Variants in UNC13C observed in about 807,000 individuals in gnomAD.
UNC13C encodes the protein protein unc-13 homolog C.
A neutral mutation model predicts 245.4 loss-of-function variants in UNC13C; 174 were observed. The observed-to-expected ratio is 0.71, with a 90% CI of 0.63 to 0.80. The LOEUF is 0.80. Ranked by LOEUF, UNC13C falls within the 30% of genes least tolerant of loss-of-function variation. The pLI is 0.00. For missense variants in UNC13C, 2,829 were observed against 2,602.9 expected (o/e 1.09, Z -1.89); for synonymous variants, 992 against 895.1 (o/e 1.11, Z -1.93).
chr15:54,289,671 C>T (rs2037242307), intron 10 of UNC13C, among the ~76,000 whole-genome samples: 2 of 152,074 alleles, frequency 1.3e-5, no homozygotes, highest in East Asian at 1.9e-4. Flanking sequence ...GCTTCTGAAG[C>T]TACTGTGTGG....
chr15:54,169,448 C>G (rs1421476636), intron 4 of UNC13C, among the ~76,000 whole-genome samples: 1 of 152,170 alleles, frequency 6.6e-6, no homozygotes, highest in African/African-American at 2.4e-5. Context: ...ACTAAGCTCT[C>G]TTGTCAATTC....
At position 54,509,034 on chromosome 15, in the gene UNC13C, T is replaced by C. The variant is rs563782003; in HGVS notation, c.5379+1840T>C. On this transcript the variant is annotated intron_variant, in intron 23 of 32. Transcript: ENST00000260323. The stretch of plus-strand genomic sequence containing the variant: ...GGCCAACATGGTGAAACCCTGTCTC[T>C]ACTAAAAATATAAAATTAACCAGGT... 5.9e-5 allele frequency among the ~76,000 whole-genome samples: 9 copies of C among 152,254 alleles called. No individual in the cohort carries two copies. The South Asian group carries it at 1.2e-3, about 21-fold the overall frequency.
At chr15:54,118,853 G>A (rs893741053) in intron 2 of UNC13C, among the ~76,000 whole-genome samples, 3 of 148,618 alleles carry the variant, frequency 2.0e-5, no homozygotes, top group African/African-American at 7.4e-5. Context: ...ATGAAGGGAC[G>A]TTAAATTTTA....
intron 2 of UNC13C, among the ~76,000 whole-genome samples, chr15:54,105,568 A>G (rs1442026844): frequency 2.6e-5 from 4 of 152,254 alleles, no homozygotes; most frequent in Admixed American, 2.6e-4. Context: ...AACAGAAGTC[A>G]CATGTTGCAT....
chr15:54,039,162 ATTGT>A (rs1405054286), intron 2 of UNC13C, among the ~76,000 whole-genome samples: 3 of 151,962 alleles, frequency 2.0e-5, no homozygotes, highest in Admixed American at 6.6e-5. Context: ...TCTCATCGAG[ATTGT>A]TTGTAATTTT....
intron 30 of UNC13C, among the ~76,000 whole-genome samples, chr15:54,593,095 G>A (rs368380454): frequency 1.3e-5 from 2 of 152,054 alleles, no homozygotes; most frequent in South Asian, 2.1e-4. Flanking sequence ...CAAAATTCTT[G>A]GCTAATAATT....
chr15:54,247,419 C>G (rs991608609), intron 7 of UNC13C, among the ~76,000 whole-genome samples: 1 of 152,096 alleles, frequency 6.6e-6, no homozygotes, highest in Non-Finnish European at 1.5e-5. Flanking sequence ...CAAGAATCCT[C>G]TATTATGAGA....
rs1347397776 is a variant in UNC13C at position 54,393,092 on chromosome 15, C to T, written c.4758C>T (p.Thr1586=). The T allele has an allele frequency of 6.2e-7, 1 of 1,610,076 alleles. No homozygotes were observed. Among genetic ancestry groups the T allele is most frequent in the South Asian group, 1.1e-5 (1 of 90,662 alleles). ...CTCGTGAAGATCAGGGACCAACCAC[C>T]AAGAATTTGGATTTTTGGCCCCAAC... The part of the protein sequence containing the change: ...DIPREDQGPT[T]KNLDFWPQLI... Residue 1586 remains threonine, a synonymous_variant, in exon 18 of 33, where the codon ACC becomes ACT. Coordinates refer to ENST00000260323, the MANE Select transcript of UNC13C (RefSeq NM_001080534.3).
chr15:53,972,231 C>T, the UNC13C span, among the ~76,000 whole-genome samples: 1 of 152,128 alleles, frequency 6.6e-6, no homozygotes, highest in Non-Finnish European at 1.5e-5. Context: ...TCAACCCTTC[C>T]GATGCTTATA....
At chr15:54,625,582 G>A (rs1024601529) in intron 32 of UNC13C, among the ~76,000 whole-genome samples, 12 of 152,114 alleles carry the variant, frequency 7.9e-5, no homozygotes, top group African/African-American at 1.2e-4. Context: ...TACATGGAGA[G>A]GTTAAGAGGC....
intron 19 of UNC13C, among the ~76,000 whole-genome samples, chr15:54,473,663 T>A (rs967944063): frequency 6.6e-6 from 1 of 151,962 alleles, no homozygotes; most frequent in African/African-American, 2.4e-5. Flanking sequence ...AGTGCAAGAT[T>A]TCCTTCCTTT....
In UNC13C at chr15:54,047,481, G is replaced by A. The variant is rs143292338; in HGVS notation, c.2983+31595G>A. Among the ~76,000 whole-genome samples, 386 of 152,128 alleles carry A rather than the reference G, an allele frequency of 2.5e-3. 1 individual carries two copies. The highest frequency in any genetic ancestry group is 4.3e-3 in the Non-Finnish European group (294 of 67,962). Reference sequence around the variant, plus strand: ...TTTCTATATGATCTTGCCTATGCTAGTACCTCATATAAGTGGTATCATAAT... The same window carrying A: ...TTTCTATATGATCTTGCCTATGCTAATACCTCATATAAGTGGTATCATAAT... On this transcript the variant is annotated intron_variant, in intron 2 of 32. Coordinates refer to ENST00000260323, the MANE Select transcript of UNC13C (RefSeq NM_001080534.3).
At chr15:53,867,732 A>G in the UNC13C span, among the ~76,000 whole-genome samples, 1 of 152,192 alleles carries the variant, frequency 6.6e-6, no homozygotes, top group Non-Finnish European at 1.5e-5. Context: ...GCCTATTAAT[A>G]TGATTTGAAT....
intron 17 of UNC13C, among the ~76,000 whole-genome samples, chr15:54,345,911 C>T (rs752524548): frequency 1.3e-5 from 2 of 152,142 alleles, no homozygotes; most frequent in Non-Finnish European, 2.9e-5. Context: ...CTTTGCCTGC[C>T]TTATATTTAC....
intron 19 of UNC13C, among the ~76,000 whole-genome samples, chr15:54,446,560 T>G (rs1345056263): frequency 2.0e-5 from 3 of 152,218 alleles, no homozygotes; most frequent in Non-Finnish European, 2.9e-5. Context: ...GAAGCAGTTG[T>G]GAATGGGAGT....
In UNC13C at chr15:54,197,978, G is replaced by T. The variant is rs77031040; in HGVS notation, c.3072-37052G>T. Among the ~76,000 whole-genome samples the T allele has an allele frequency of 7.5e-3, 1,140 of 152,150 alleles. 15 individuals carry two copies. The highest frequency in any genetic ancestry group is 0.026 in the African/African-American group (1,099 of 41,522). On this transcript the variant is annotated intron_variant, in intron 4 of 32. Coordinates refer to ENST00000260323, the MANE Select transcript of UNC13C (RefSeq NM_001080534.3). Reference sequence around the variant, plus strand: ...GGAAATAGACTCGGTGCTGTTGGAGGGGTATGATGGGAGTGAGACAGGCCT... The same window carrying T: ...GGAAATAGACTCGGTGCTGTTGGAGTGGTATGATGGGAGTGAGACAGGCCT...
intron 9 of UNC13C, 68 bp from the exon 10 acceptor site, chr15:54,265,287 C>A (rs2140891475): frequency 7.9e-7 from 1 of 1,259,884 alleles, no homozygotes; most frequent in East Asian, 2.9e-5. Flanking sequence ...GAAAAATTGT[C>A]TTTGTTATTA....
At chr15:54,060,349 C>CA (rs1325166429) in intron 2 of UNC13C, among the ~76,000 whole-genome samples, 52 of 152,130 alleles carry the variant, frequency 3.4e-4, no homozygotes, top group African/African-American at 1.3e-3. Flanking sequence ...TTTATGCAGC[C>CA]AACAGACACA....
In UNC13C at chr15:54,333,861, C is replaced by T; in HGVS notation, c.4584+5C>T. On this transcript the variant is annotated splice_donor_5th_base_variant and intron_variant, in intron 16 of 32. Transcript: ENST00000260323. The stretch of plus-strand genomic sequence containing the variant: ...ATCACCTTTTTTAGGATGAAGGTAT[C>T]TCATTTTATTTCTGTCACTGTTTTG... The T allele has an allele frequency of 6.3e-7, 1 of 1,586,006 alleles. No individual in the cohort carries two copies.
Sources: gnomAD v4.1 joint callset for allele counts (sites outside exome capture counted in the v4.1 genomes callset) on GRCh38, gnomAD v4.1.1 for gene constraint, MANE v1.5 for transcripts, NCBI Gene and HGNC (gene_info 2026-07-23, HGNC 2026-07-21) for gene names.